The following GLIS3 variants were observed in gnomAD, a reference collection of about 807,000 sequenced individuals.
GLIS3 encodes GLIS family zinc finger 3.
In GLIS3, 53 loss-of-function variants were observed where a neutral mutation model predicts 78.6. That is an observed-to-expected ratio of 0.67 (90% CI 0.54 to 0.85). The LOEUF (loss-of-function observed/expected upper bound fraction) is 0.85. Among genes scored for constraint, GLIS3 ranks in the 40% least tolerant of loss-of-function variants. GLIS3 has a pLI of 0.00. For missense variants in GLIS3, 1,703 were observed against 1,231.1 expected (o/e 1.38, Z -5.74); for synonymous variants, 684 against 509.9 (o/e 1.34, Z -4.60).
intron 6 of GLIS3, among the ~76,000 whole-genome samples, chr9:3,905,213 A>G (rs1823605904): frequency 1.6e-5 from 2 of 128,220 alleles, no homozygotes; most frequent in African/African-American, 5.9e-5. Context: ...GATAGTCTTG[A>G]TCTCCTGACC....
chr9:3,939,723 A>G (rs1826096127), intron 4 of GLIS3, among the ~76,000 whole-genome samples: 1 of 152,228 alleles, frequency 6.6e-6, no homozygotes, highest in Non-Finnish European at 1.5e-5. Flanking sequence ...GGAAAAGATT[A>G]TGAATGAAGG....
rs138809776 is a variant in GLIS3, at chr9:3,958,260, A to C, written c.1711-21071T>G. 8.9e-4 allele frequency among the ~76,000 whole-genome samples: 135 copies of C among 152,284 alleles called. 1 individual carries two copies. The East Asian group carries it at 0.021, about 24-fold the overall frequency. ...ATAATAACAATAAGGCTTTTTGAAG[A>C]TGAGAGGAAGAAAAAAATGCACCAT... On this transcript the variant is annotated intron_variant, in intron 4 of 10. Transcript: ENST00000381971.
chr9:3,977,005 T>TA lies in GLIS3; in HGVS notation c.1711-39817dup, dbSNP rs34753330. ...ATCATGACAGATGGCTCCTGCTAGT[T>TA]AAAAAAAAATTAGCTAAAATTTCAG... On this transcript the variant is annotated intron_variant, in intron 4 of 10. Coordinates refer to ENST00000381971, the MANE Select transcript of GLIS3 (RefSeq NM_001042413.2). The surrounding 1 kb of genome is among the most constrained non-coding windows in gnomAD (Gnocchi z 4.1). 3.3e-3 allele frequency among the ~76,000 whole-genome samples: 505 copies of TA among 151,050 alleles called. 4 individuals carry two copies. Among genetic ancestry groups the TA allele is most frequent in the African/African-American group, 0.011 (472 of 41,218 alleles).
chr9:4,273,992 C>A (rs1017379970), intron 2 of GLIS3, among the ~76,000 whole-genome samples: 1 of 152,206 alleles, frequency 6.6e-6, no homozygotes, highest in African/African-American at 2.4e-5. Flanking sequence ...CATGTCCTTG[C>A]ATAGGACATT....
chr9:4,219,241 C>G (rs1304124418), intron 2 of GLIS3, among the ~76,000 whole-genome samples: 1 of 152,198 alleles, frequency 6.6e-6, no homozygotes, highest in East Asian at 1.9e-4. Flanking sequence ...CGAGACCTGA[C>G]CAACATCAAG....
At chr9:4,155,754 G>A (rs752605132) in intron 2 of GLIS3, among the ~76,000 whole-genome samples, 1 of 152,128 alleles carries the variant, frequency 6.6e-6, no homozygotes, top group Admixed American at 6.5e-5. Flanking sequence ...GGCTGTACAA[G>A]CATAGATTGC....
intron 2 of GLIS3, among the ~76,000 whole-genome samples, chr9:4,264,696 T>A (rs963958982): frequency 2.0e-5 from 3 of 152,118 alleles, no homozygotes; most frequent in African/African-American, 4.8e-5. Context: ...ATTCTCCTCA[T>A]CCCTCTGAAA....
intron 8 of GLIS3, among the ~76,000 whole-genome samples, chr9:3,872,917 G>T (rs1305407993): frequency 2.0e-5 from 3 of 152,024 alleles, no homozygotes; most frequent in African/African-American, 7.2e-5. Context: ...GAAAAATAAA[G>T]ATATGAGCAG....
At chr9:4,050,760 C>A (rs1345251428) in intron 4 of GLIS3, among the ~76,000 whole-genome samples, 1 of 152,118 alleles carries the variant, frequency 6.6e-6, no homozygotes, top group African/African-American at 2.4e-5. Context: ...TTAAAGCCTT[C>A]AAACACTAGA....
chr9:4,079,285 C>T (rs892987736), intron 4 of GLIS3, among the ~76,000 whole-genome samples: 6 of 152,124 alleles, frequency 3.9e-5, no homozygotes, highest in African/African-American at 1.4e-4. Context: ...TCCCTCTTTG[C>T]AAATTAAAAG....
chr9:4,297,313 G>C (rs1035119828), intron 1 of GLIS3, among the ~76,000 whole-genome samples: 1 of 152,166 alleles, frequency 6.6e-6, no homozygotes, highest in Non-Finnish European at 1.5e-5. Flanking sequence ...CGGGACCTGA[G>C]AACTTTAAGG....
At chr9:3,868,536 A>T (rs919362036) in intron 8 of GLIS3, among the ~76,000 whole-genome samples, 1 of 152,222 alleles carries the variant, frequency 6.6e-6, no homozygotes, top group Non-Finnish European at 1.5e-5. Flanking sequence ...GGTACAAAAC[A>T]GTGTCTTTGG....
chr9:4,235,065 G>A (rs1222493686), intron 2 of GLIS3, among the ~76,000 whole-genome samples: 1 of 152,088 alleles, frequency 6.6e-6, no homozygotes, highest in Admixed American at 6.5e-5. Flanking sequence ...TTGGGAGGCC[G>A]AGGTGGGTGG....
intron 2 of GLIS3, among the ~76,000 whole-genome samples, chr9:4,258,810 T>C (rs1349311419): frequency 1.3e-5 from 2 of 152,206 alleles, no homozygotes; most frequent in Non-Finnish European, 2.9e-5. Context: ...AACAAAATAC[T>C]GCACTACCCC....
chr9:4,274,800 G>C (rs1391675483), intron 2 of GLIS3, among the ~76,000 whole-genome samples: 4 of 152,138 alleles, frequency 2.6e-5, no homozygotes, highest in Admixed American at 2.0e-4. Context: ...TGGGAATATT[G>C]TTAAAATGCA....
the GLIS3 span, among the ~76,000 whole-genome samples, chr9:4,440,242 G>C: frequency 1.2e-3 from 187 of 152,074 alleles, no homozygotes; most frequent in African/African-American, 4.4e-3. Flanking sequence ...TGATTTTGAG[G>C]TCTTATCCAA....
chr9:3,837,584 A>G (rs1354656206), intron 9 of GLIS3, among the ~76,000 whole-genome samples: 1 of 152,260 alleles, frequency 6.6e-6, no homozygotes, highest in Non-Finnish European at 1.5e-5. Flanking sequence ...AATATTATTC[A>G]GCACTAAAAA....
At chr9:4,353,815 G>C in the GLIS3 span, among the ~76,000 whole-genome samples, 1 of 152,086 alleles carries the variant, frequency 6.6e-6, no homozygotes, top group Non-Finnish European at 1.5e-5. Flanking sequence ...TGTAGCTGTT[G>C]ATTTGCTTTT....
chr9:4,103,828 T>C (rs199962386), intron 4 of GLIS3, among the ~76,000 whole-genome samples: 83 of 152,308 alleles, frequency 5.4e-4, no homozygotes, highest in African/African-American at 1.9e-3. Flanking sequence ...CACAAGTATA[T>C]TGATGGCAGG....
Sources: allele counts gnomAD v4.1 joint callset (sites outside exome capture counted in the v4.1 genomes callset), GRCh38; gene constraint gnomAD v4.1.1; non-coding constraint Gnocchi (gnomAD v3.1); transcripts MANE v1.5; gene names NCBI Gene and HGNC (gene_info 2026-07-23, HGNC 2026-07-21).